The following DAB1 variants were observed in gnomAD, a reference collection of about 807,000 sequenced individuals.
DAB1 encodes DAB adaptor protein 1.
A neutral mutation model predicts 64.6 loss-of-function variants in DAB1; 15 were observed. The ratio of observed to expected loss-of-function variants is 0.23; its 90% CI spans 0.16 to 0.36. DAB1 has a LOEUF of 0.36. Ranked by LOEUF, DAB1 falls within the 10% of genes least tolerant of loss-of-function variation. The pLI is 1.00. For synonymous variants in DAB1, 235 were observed against 251.9 expected (o/e 0.93, Z 0.64); for missense variants, 596 against 706.7 (o/e 0.84, Z 1.78).
chr1:58,059,222 G>A (rs76138879), intron 5 of DAB1, among the ~76,000 whole-genome samples: 2,215 of 152,302 alleles, frequency 0.015, 50 homozygotes, highest in African/African-American at 0.05. Context: ...AAATGGGGTG[G>A]CCATGAGCAT....
chr1:57,933,901 C>CTT (rs750638241), intron 5 of DAB1, among the ~76,000 whole-genome samples: 1,856 of 146,228 alleles, frequency 0.013, 40 homozygotes, highest in African/African-American at 0.044. Flanking sequence ...TGTGGTCAGT[C>CTT]TTTTTTTTTT....
intron 2 of DAB1, among the ~76,000 whole-genome samples, chr1:57,281,797 A>G (rs1671915455): frequency 6.6e-6 from 1 of 152,096 alleles, no homozygotes; most frequent in African/African-American, 2.4e-5. Flanking sequence ...ACCTTCGGGG[A>G]CGGGGGCCAG....
At chr1:57,758,841 C>G (rs1648937780) in intron 6 of DAB1, among the ~76,000 whole-genome samples, 1 of 152,070 alleles carries the variant, frequency 6.6e-6, no homozygotes, top group South Asian at 2.1e-4. Context: ...GTAATTGAAC[C>G]TACTTTTGTC....
At chr1:58,225,956 TAAAAAAAAAAAA>T (rs5774402) in intron 4 of DAB1, among the ~76,000 whole-genome samples, 1 of 130,940 alleles carries the variant, frequency 7.6e-6, no homozygotes, top group East Asian at 2.2e-4. Flanking sequence ...AACTTAGTAT[TAAAAAAAAAAAA>T]AAAAAAAAAC....
At chr1:58,395,777 A>C (rs1644516269) in intron 3 of DAB1, among the ~76,000 whole-genome samples, 1 of 152,216 alleles carries the variant, frequency 6.6e-6, no homozygotes, top group South Asian at 2.1e-4. Flanking sequence ...GTTGCCACAC[A>C]CACTTATTAA....
chr1:57,973,193 AAG>A (rs1178269739), intron 5 of DAB1, among the ~76,000 whole-genome samples: 1 of 152,300 alleles, frequency 6.6e-6, no homozygotes, highest in African/African-American at 2.4e-5. Flanking sequence ...ACAGGGCAGA[AAG>A]AGATTTTAAG....
Position 58,243,971 on chromosome 1 carries a change from TTCATGCTTTGCTGAA to T in DAB1, n.310-93398_310-93384del, listed in dbSNP as rs1204046777. Reference sequence around the variant, plus strand: ...ACACACACAAGAAAAATTTCATCATTTCATGCTTTGCTGAATTTTAAGAGTAGCAACAAGGATCAG... The same window carrying T: ...ACACACACAAGAAAAATTTCATCATTTTTTAAGAGTAGCAACAAGGATCAG... On this transcript the variant is annotated intron_variant and non_coding_transcript_variant, in intron 4 of 20. Coordinates refer to the DAB1 transcript ENST00000485760. Among the ~76,000 whole-genome samples the T allele has an allele frequency of 2.0e-5, 3 of 152,068 alleles. No homozygotes were observed. In the East Asian group the frequency reaches 5.8e-4, roughly 29 times the overall value.
At chr1:57,614,856 C>A (rs1248561199) in intron 7 of DAB1, among the ~76,000 whole-genome samples, 12 of 123,078 alleles carry the variant, frequency 9.7e-5, no homozygotes, top group Non-Finnish European at 1.8e-4. Context: ...TGCCTTCTTT[C>A]TTTCTTTCTT....
intron 3 of DAB1, chr1:58,480,948 G>T: frequency 2.4e-6 from 2 of 848,150 alleles, no homozygotes; most frequent in Non-Finnish European, 2.0e-6. Context: ...TATATCTTGT[G>T]TCTCATAAAT....
At chr1:57,914,453 AG>A (rs1413067502) in intron 5 of DAB1, among the ~76,000 whole-genome samples, 1 of 151,842 alleles carries the variant, frequency 6.6e-6, no homozygotes, top group Non-Finnish European at 1.5e-5. Context: ...GGATAGCATT[AG>A]GAGATATACC....
intron 7 of DAB1, among the ~76,000 whole-genome samples, chr1:57,640,235 C>T (rs1646111893): frequency 6.6e-6 from 1 of 152,132 alleles, no homozygotes; most frequent in East Asian, 1.9e-4. Flanking sequence ...TCTGAGGTTC[C>T]TTAGATTTCT....
At chr1:57,107,664 G>C (rs1655294125) in intron 4 of DAB1, among the ~76,000 whole-genome samples, 1 of 152,186 alleles carries the variant, frequency 6.6e-6, no homozygotes, top group African/African-American at 2.4e-5. Context: ...AAGGACCTTA[G>C]AAATGAGTAA....
At chr1:58,483,749 T>C (rs1645527988) in intron 3 of DAB1, among the ~76,000 whole-genome samples, 1 of 152,244 alleles carries the variant, frequency 6.6e-6, no homozygotes, top group Non-Finnish European at 1.5e-5. Flanking sequence ...AATGAGATGC[T>C]AGCAAGATTT....
chr1:57,823,750 C>A (rs912537566), downstream of DAB1, among the ~76,000 whole-genome samples: 5 of 152,010 alleles, frequency 3.3e-5, no homozygotes, highest in African/African-American at 1.2e-4. Context: ...TTTTTGGGGC[C>A]CCCATTCTCT....
At chr1:57,466,090 G>T (rs1686946056) in intron 7 of DAB1, among the ~76,000 whole-genome samples, 1 of 152,114 alleles carries the variant, frequency 6.6e-6, no homozygotes, top group Admixed American at 6.6e-5. Flanking sequence ...TGGTCTCCTG[G>T]TATACTGATT....
rs140056437 is a variant in DAB1 at position 57,856,024 on chromosome 1, A to G, written n.87+27975T>C. ...GCAGGATTTACTGTCAGATAAATAT[A>G]CGATGTGAAAGAAACATAGGAGTAG... On this transcript the variant is annotated intron_variant and non_coding_transcript_variant, in intron 1 of 1. Transcript: ENST00000477280. Among the ~76,000 whole-genome samples, 246 of 152,288 alleles carry G rather than the reference A, an allele frequency of 1.6e-3. 6 individuals carry two copies. The South Asian group carries it at 0.041, about 26-fold the overall frequency.
intron 7 of DAB1, among the ~76,000 whole-genome samples, chr1:57,465,343 A>G (rs1245884020): frequency 6.6e-6 from 1 of 152,220 alleles, no homozygotes; most frequent in Non-Finnish European, 1.5e-5. Flanking sequence ...CATCTGTGCT[A>G]GATTTTTCAG....
At chr1:58,177,307 G>C (rs948584784) in intron 4 of DAB1, among the ~76,000 whole-genome samples, 2 of 152,046 alleles carry the variant, frequency 1.3e-5, no homozygotes, top group African/African-American at 4.8e-5. Context: ...CCAGTGCCAG[G>C]CACAATACCT....
chr1:57,430,860 T>G (rs1320611661), intron 7 of DAB1, among the ~76,000 whole-genome samples: 1 of 151,850 alleles, frequency 6.6e-6, no homozygotes, highest in Non-Finnish European at 1.5e-5. Context: ...ATATGTTTAC[T>G]GATTGTTTAC....
Sources: allele counts gnomAD v4.1 joint callset (sites outside exome capture counted in the v4.1 genomes callset), GRCh38; gene constraint gnomAD v4.1.1; transcripts MANE v1.5; gene names NCBI Gene and HGNC (gene_info 2026-07-23, HGNC 2026-07-21).